SORCS1: variants seen among roughly 807,000 people sequenced by gnomAD.
SORCS1 encodes the protein sortilin related VPS10 domain containing receptor 1.
Under a neutral mutation model 146.1 loss-of-function variants are expected in SORCS1, and 60 were observed. That is an observed-to-expected ratio of 0.41 (90% CI 0.33 to 0.51). The LOEUF (loss-of-function observed/expected upper bound fraction) is 0.51, where lower values mean the gene tolerates loss of function less well. SORCS1 is among the 20% of genes least tolerant of loss of function. SORCS1 has a pLI of 0.21. For synonymous variants in SORCS1, 637 were observed against 584.0 expected (o/e 1.09, Z -1.31); for missense variants, 1,352 against 1,487.6 (o/e 0.91, Z 1.50).
intron 2 of SORCS1, among the ~76,000 whole-genome samples, chr10:106,953,443 A>T (rs192410251): frequency 2.0e-5 from 3 of 151,996 alleles, no homozygotes; most frequent in African/African-American, 7.2e-5. Context: ...TTGTTTTTAA[A>T]TTTTTTTCCC....
intron 2 of SORCS1, among the ~76,000 whole-genome samples, chr10:106,886,013 G>C (rs540851583): frequency 8.2e-4 from 125 of 152,086 alleles, no homozygotes; most frequent in Non-Finnish European, 1.4e-3. Context: ...TGTAATCCCA[G>C]CACTTTGGGA....
chr10:106,764,751 C>T (rs934332198), intron 4 of SORCS1, among the ~76,000 whole-genome samples: 3 of 152,002 alleles, frequency 2.0e-5, no homozygotes, highest in Non-Finnish European at 2.9e-5. Flanking sequence ...TGGCCGGGCG[C>T]GGTGGCTCAC....
intron 24 of SORCS1, among the ~76,000 whole-genome samples, chr10:106,583,899 C>T (rs1054711249): frequency 2.6e-5 from 4 of 152,124 alleles, no homozygotes; most frequent in Admixed American, 2.6e-4. Context: ...CCATGCAGAA[C>T]AATCTTATTG....
At chr10:107,157,054 C>T (rs1969339261) in intron 1 of SORCS1, among the ~76,000 whole-genome samples, 1 of 152,196 alleles carries the variant, frequency 6.6e-6, no homozygotes, top group African/African-American at 2.4e-5. Context: ...ACTTGAAAAG[C>T]TGAACCTGGA....
intron 17 of SORCS1, among the ~76,000 whole-genome samples, chr10:106,656,263 G>A (rs962037395): frequency 1.3e-5 from 2 of 152,112 alleles, no homozygotes; most frequent in Non-Finnish European, 2.9e-5. Flanking sequence ...AAAGATGAAG[G>A]CAATAGGCTG....
At chr10:106,863,081 CA>C (rs1950086131) in intron 2 of SORCS1, among the ~76,000 whole-genome samples, 1 of 152,016 alleles carries the variant, frequency 6.6e-6, no homozygotes, top group Admixed American at 6.6e-5. Flanking sequence ...CCCAAACAAA[CA>C]AACAAAACAG....
At chr10:107,069,488 G>A (rs1962231913) in intron 1 of SORCS1, among the ~76,000 whole-genome samples, 1 of 151,956 alleles carries the variant, frequency 6.6e-6, no homozygotes. Context: ...CGATTCTCCT[G>A]CCTCAGCCTC....
chr10:106,690,743 AG>A (rs1853235437), intron 9 of SORCS1, among the ~76,000 whole-genome samples: 1 of 152,152 alleles, frequency 6.6e-6, no homozygotes, highest in Non-Finnish European at 1.5e-5. Flanking sequence ...CATTTAAGGT[AG>A]GGTTTTTTAT....
At chr10:106,745,434 G>C (rs1419733045) in intron 5 of SORCS1, among the ~76,000 whole-genome samples, 2 of 150,722 alleles carry the variant, frequency 1.3e-5, no homozygotes, top group East Asian at 3.9e-4. Flanking sequence ...AAAAGAAAAA[G>C]AAAAAGAAAA....
At chr10:106,883,429 T>TG (rs1950879726) in intron 2 of SORCS1, among the ~76,000 whole-genome samples, 1 of 151,948 alleles carries the variant, frequency 6.6e-6, no homozygotes, top group African/African-American at 2.4e-5. Flanking sequence ...TTTTTTTTTT[T>TG]TTTGAGACGG....
chr10:106,687,861 A>G (rs375795728), intron 10 of SORCS1, among the ~76,000 whole-genome samples: 13 of 152,162 alleles, frequency 8.5e-5, no homozygotes, highest in East Asian at 7.7e-4. Context: ...CAGGTTACTC[A>G]TGAGAAAATA....
intron 1 of SORCS1, among the ~76,000 whole-genome samples, chr10:107,140,087 A>G (rs1967682765): frequency 6.6e-6 from 1 of 152,344 alleles, no homozygotes; most frequent in South Asian, 2.1e-4. Context: ...AATTAAATCC[A>G]GTAATAAAAT....
intron 1 of SORCS1, among the ~76,000 whole-genome samples, chr10:107,158,704 T>C (rs1339860208): frequency 1.3e-5 from 2 of 152,190 alleles, no homozygotes; most frequent in East Asian, 3.9e-4. Context: ...CCTATGCCAG[T>C]GAATGACAAA....
intron 2 of SORCS1, among the ~76,000 whole-genome samples, chr10:106,830,125 G>A (rs1948475309): frequency 6.6e-6 from 1 of 152,114 alleles, no homozygotes; most frequent in Non-Finnish European, 1.5e-5. Context: ...CCCTTCAAAG[G>A]TCAGTCAGTC....
chr10:106,737,003 C>T (rs1312850053), intron 5 of SORCS1, among the ~76,000 whole-genome samples: 1 of 151,944 alleles, frequency 6.6e-6, no homozygotes, highest in Non-Finnish European at 1.5e-5. Context: ...AAGCCAGAAG[C>T]CCAAGTGTTT....
intron 8 of SORCS1, among the ~76,000 whole-genome samples, chr10:106,704,616 G>A (rs1001341514): frequency 1.3e-5 from 2 of 152,200 alleles, no homozygotes; most frequent in Admixed American, 6.5e-5. Context: ...CTTGAACCCG[G>A]GAGGTGGAGG....
intron 5 of SORCS1, among the ~76,000 whole-genome samples, chr10:106,747,789 G>A (rs1442111518): frequency 1.3e-5 from 2 of 152,166 alleles, no homozygotes; most frequent in African/African-American, 4.8e-5. Context: ...CCAATAGCAA[G>A]AGGAGAGGAT....
At chr10:106,800,138 G>T (rs761231322) in intron 3 of SORCS1, among the ~76,000 whole-genome samples, 1 of 152,062 alleles carries the variant, frequency 6.6e-6, no homozygotes, top group Non-Finnish European at 1.5e-5. Flanking sequence ...AGCTGGATAT[G>T]TTGTCTCATT....
At chr10:106,661,595 G>A (rs547627662) in intron 17 of SORCS1, among the ~76,000 whole-genome samples, 1 of 152,288 alleles carries the variant, frequency 6.6e-6, no homozygotes, top group South Asian at 2.1e-4. Context: ...ATTTTGTAAG[G>A]TGATGACTAT....
Sources: gnomAD v4.1 joint callset for allele counts (sites outside exome capture counted in the v4.1 genomes callset) on GRCh38, gnomAD v4.1.1 for gene constraint, MANE v1.5 for transcripts, NCBI Gene and HGNC (gene_info 2026-07-23, HGNC 2026-07-21) for gene names.